SNRNP70: variants seen among roughly 807,000 people sequenced by gnomAD.
SNRNP70 encodes the protein small nuclear ribonucleoprotein U1 subunit 70, also known as U1 small nuclear ribonucleoprotein 70 kDa.
SNRNP70 carries 8 observed loss-of-function variants against 50.5 expected under a neutral mutation model. The ratio of observed to expected loss-of-function variants is 0.16; its 90% CI spans 0.09 to 0.29. The LOEUF (loss-of-function observed/expected upper bound fraction) is 0.29, where lower values mean the gene tolerates loss of function less well. Among genes scored for constraint, SNRNP70 ranks in the 10% least tolerant of loss-of-function variants. SNRNP70 has a pLI of 1.00. For synonymous variants in SNRNP70, 320 were observed against 252.9 expected (o/e 1.27, Z -2.52); for missense variants, 529 against 663.5 (o/e 0.80, Z 2.23).
Position 49,108,015 on chromosome 19 carries a change from C to G in SNRNP70, c.886C>G (p.Arg296Gly). 6.5e-7 allele frequency: 1 copy of G among 1,547,812 alleles called. No homozygotes were observed. The highest frequency in any genetic ancestry group is 8.7e-7 in the Non-Finnish European group (1 of 1,146,322). ...RDRKRRSSRS[R>G]ERARRERERK... ...CCGGAAGCGGCGAAGCAGCCGGAGT[C>G]GGGAGCGGGCCCGGCGGGAGCGGGA... Residue 296 changes from arginine to glycine, a missense_variant, in exon 10 of 10, where the codon CGG (arginine) becomes GGG (glycine). Arg to Gly is a moderately radical substitution (Grantham distance 125, BLOSUM62 -2). This residue lies in a region of SNRNP70 where 327 missense variants were observed against 308.8 expected (regional missense o/e 1.06). Transcript: ENST00000598441.
Position 49,108,021 on chromosome 19 carries a change from C to T in SNRNP70, c.892C>T (p.Arg298Trp), listed in dbSNP as rs1381838646. Residue 298 changes from arginine to tryptophan, a missense_variant, in exon 10 of 10, where the codon CGG becomes TGG. Physicochemically the swap from Arg to Trp is moderately radical, Grantham distance 101 (BLOSUM62 -3). Coordinates refer to ENST00000598441, the MANE Select transcript of SNRNP70 (RefSeq NM_003089.6). ...RKRRSSRSRE[R>W]ARRERERKEE... Reference sequence around the variant, plus strand: ...GCGGCGAAGCAGCCGGAGTCGGGAGCGGGCCCGGCGGGAGCGGGAGCGCAA... The same window carrying T: ...GCGGCGAAGCAGCCGGAGTCGGGAGTGGGCCCGGCGGGAGCGGGAGCGCAA... The T allele has an allele frequency of 3.2e-6, 5 of 1,547,204 alleles. No homozygotes were observed. Among genetic ancestry groups the T allele is most frequent in the Non-Finnish European group, 2.6e-6 (3 of 1,146,130 alleles).
rs950039108 is a variant in SNRNP70 at position 49,085,512 on chromosome 19, G to A, written c.-135G>A. 1 of 454,924 alleles carries A rather than the reference G, an allele frequency of 2.2e-6. No individual in the cohort carries two copies. The highest frequency in any genetic ancestry group is 4.4e-6 in the Non-Finnish European group (1 of 226,100). 28.2% of individuals were successfully genotyped at this position (454,924 alleles called of 1,614,324 possible). ...GGCCTGGTGCGCTCGCTTAGCGGGC[G>A]ACGGAATCAGACGGACGTGGACGCC... is the stretch of plus-strand genomic sequence containing the variant. On this transcript the variant is annotated 5_prime_UTR_variant, in exon 1 of 10. Transcript: ENST00000598441.
intron 4 of SNRNP70, among the ~76,000 whole-genome samples, chr19:49,092,165 G>A (rs2040454970): frequency 6.6e-6 from 1 of 152,182 alleles, no homozygotes; most frequent in Admixed American, 6.6e-5. Context: ...CTGGAGTGCA[G>A]TGGTGCAATC....
chr19:49,101,352 T>G (rs754430770), intron 6 of SNRNP70, 38 bp from the exon 7 acceptor site: 49 of 1,548,516 alleles, frequency 3.2e-5, no homozygotes, highest in South Asian at 1.1e-5. Context: ...GGAGCCGCCC[T>G]GTGGCAGGAC....
At chr19:49,102,910 G>A (rs2040608421) in intron 7 of SNRNP70, 1 of 152,682 alleles carries the variant, frequency 6.5e-6, no homozygotes, top group South Asian at 2.1e-4. Context: ...CCTGTTTTGG[G>A]GTTTGGGACT....
intron 4 of SNRNP70, among the ~76,000 whole-genome samples, chr19:49,095,250 A>G (rs977923106): frequency 2.2e-4 from 33 of 152,252 alleles, no homozygotes; most frequent in Admixed American, 6.5e-5. Context: ...CAGGAAGCTC[A>G]GCTGTTGTTT....
intron 1 of SNRNP70, 85 bp downstream of exon 1, chr19:49,085,721 G>C (rs2040368923): frequency 6.1e-5 from 27 of 444,432 alleles, no homozygotes; most frequent in South Asian, 4.2e-4. Flanking sequence ...TCTTCCCCGC[G>C]GCCAGGCCCC....
At chr19:49,101,254 T>A (rs2040581434) in intron 6 of SNRNP70, 136 bp from the exon 7 acceptor site, 2 of 670,984 alleles carry the variant, frequency 3.0e-6, no homozygotes, top group Non-Finnish European at 5.4e-6. Context: ...AGAACATAAG[T>A]CACTCAGGGC....
rs1172730090 is a variant in SNRNP70, at chr19:49,108,378, T to G, written c.1249T>G (p.Ser417Ala). ...CGACAGCCGAGACATGTACATGGAG[T>G]CTGAGGGCGGCGACGGCTACCTGGC... is the stretch of plus-strand genomic sequence containing the variant. Reference protein sequence around the residue: ...GNDSRDMYMESEGGDGYLAPE... With the variant: ...GNDSRDMYMEAEGGDGYLAPE... The change falls in exon 10 of 10, where the codon TCT (serine) becomes GCT (alanine). Residue 417 changes from serine to alanine, a missense_variant. Transcript: ENST00000598441. The G allele has an allele frequency of 6.2e-7, 1 of 1,610,528 alleles. No individual in the cohort carries two copies. The highest frequency in any genetic ancestry group is 1.1e-5 in the South Asian group (1 of 90,588).
chr19:49,104,362 C>G lies in SNRNP70; in HGVS notation c.476-272C>G, dbSNP rs1333469526. 4.7e-6 allele frequency: 2 copies of G among 423,206 alleles called. No individual in the cohort carries two copies. Among genetic ancestry groups the G allele is most frequent in the Admixed American group, 4.3e-5 (1 of 23,300 alleles). The allele number at this position is 423,206 out of a possible 1,614,324, so 26.2% of individuals were successfully genotyped here. A position where few individuals can be genotyped will look rare whatever the true frequency, so the allele number is the denominator to read the frequency against. ...TTCCATCATGTGGGAGAGGAAGGGC[C>G]GGGGAGCCTAGGGGGTGGCGGGTGA... On this transcript the variant is annotated intron_variant, in intron 7 of 9. Coordinates refer to ENST00000598441, the MANE Select transcript of SNRNP70 (RefSeq NM_003089.6). This position sits in a 1 kb window ranked among gnomAD's most constrained non-coding sequence, Gnocchi z 5.4.
At chr19:49,100,561 C>T (rs2040569891) in intron 6 of SNRNP70, among the ~76,000 whole-genome samples, 1 of 152,164 alleles carries the variant, frequency 6.6e-6, no homozygotes, top group African/African-American at 2.4e-5. Flanking sequence ...AATCCCAGCA[C>T]TTTGGGAGGC....
chr19:49,108,336 C>G lies in SNRNP70; in HGVS notation c.1207C>G (p.Leu403Val). 2 of 1,603,992 alleles carry G rather than the reference C, an allele frequency of 1.2e-6. No individual in the cohort carries two copies. The highest frequency in any genetic ancestry group is 8.5e-7 in the Non-Finnish European group (1 of 1,175,590). Residue 403 changes from leucine (L) to valine (V), a missense_variant, in exon 10 of 10, where the codon CTG becomes GTG. Physicochemically the swap from Leu to Val is conservative, Grantham distance 32. Coordinates refer to ENST00000598441, the MANE Select transcript of SNRNP70 (RefSeq NM_003089.6). ...TGGGGGCGGTGGCCAGGACAACGGG[C>G]TGGAGGGTCTGGGCAACGACAGCCG... ...RGGGGGQDNG[L>V]EGLGNDSRDM...
intron 7 of SNRNP70, chr19:49,102,813 T>C (rs2040607128): frequency 6.5e-6 from 1 of 152,884 alleles, no homozygotes; most frequent in South Asian, 2.1e-4. Context: ...AACCTTCCAC[T>C]GTCTAGAGAC....
At chr19:49,101,807 C>A (rs533461036) in intron 7 of SNRNP70, 22 of 392,598 alleles carry the variant, frequency 5.6e-5, no homozygotes, top group African/African-American at 4.4e-4. Context: ...CCCCCATTCC[C>A]CCCACTGAAG....
At chr19:49,090,546 T>G (rs781384701) in intron 4 of SNRNP70, 26 bp downstream of exon 4, 4 of 1,610,036 alleles carry the variant, frequency 2.5e-6, no homozygotes, top group East Asian at 2.2e-5. Context: ...ACCATTTGGC[T>G]CTCTCCTCTC....
chr19:49,108,181 A>C lies in SNRNP70; in HGVS notation c.1052A>C (p.Asp351Ala). 2.6e-6 allele frequency: 4 copies of C among 1,536,760 alleles called. No homozygotes were observed. Among genetic ancestry groups the C allele is most frequent in the Non-Finnish European group, 3.5e-6 (4 of 1,140,724 alleles). ...DGPEEKGRDR[D>A]RERRRSHRSE... ...CCAGAGGAAAAGGGCCGGGATCGTG[A>C]CCGGGAGCGACGGCGGAGCCACCGG... Residue 351 changes from aspartate (D) to alanine (A), a missense_variant, in exon 10 of 10, where the codon GAC becomes GCC. Around this residue, in one of 4 missense-constraint regions of SNRNP70, gnomAD observed 327 missense variants for 308.8 expected, o/e 1.06. Coordinates refer to ENST00000598441, the MANE Select transcript of SNRNP70 (RefSeq NM_003089.6).
intron 2 of SNRNP70, among the ~76,000 whole-genome samples, chr19:49,087,985 C>G (rs747561547): frequency 1.2e-4 from 18 of 151,968 alleles, no homozygotes; most frequent in Non-Finnish European, 2.1e-4. Context: ...CTGCAGCCTC[C>G]GGTTCAAGCA....
intron 2 of SNRNP70, among the ~76,000 whole-genome samples, chr19:49,089,489 G>T (rs1287381906): frequency 1.3e-5 from 2 of 151,138 alleles, no homozygotes; most frequent in Non-Finnish European, 3.0e-5. Context: ...AAAAAAAAAA[G>T]ACCTACAGAA....
intron 7 of SNRNP70, chr19:49,102,390 A>G: frequency 6.6e-6 from 2 of 301,156 alleles, no homozygotes; most frequent in Admixed American, 7.9e-5. Context: ...CCAGGAGGGG[A>G]AGGATGAACC....
Sources: gnomAD v4.1 joint callset for allele counts (sites outside exome capture counted in the v4.1 genomes callset) on GRCh38, gnomAD v4.1.1 for gene constraint, gnomAD v4.1.1 regional missense constraint, Gnocchi (gnomAD v3.1) non-coding constraint, MANE v1.5 for transcripts, NCBI Gene and HGNC (gene_info 2026-07-23, HGNC 2026-07-21) for gene names.